ACTMAP: variants seen among roughly 807,000 people sequenced by gnomAD.
The protein encoded by ACTMAP is actin maturation protease.
chr19:40,742,843 C>T, the ACTMAP span: 2 of 1,419,000 alleles, frequency 1.4e-6, no homozygotes, highest in African/African-American at 1.4e-5. Flanking sequence ...CTAAGTTCCG[C>T]CCTCTCCCGG....
the ACTMAP span, chr19:40,745,044 T>C: frequency 6.8e-7 from 1 of 1,467,602 alleles, no homozygotes; most frequent in South Asian, 1.2e-5. Context: ...AATCCACTCC[T>C]CTTCTCCAGA....
chr19:40,740,973 A>T, the ACTMAP span: 10 of 398,528 alleles, frequency 2.5e-5, no homozygotes, highest in Non-Finnish European at 4.4e-5. Flanking sequence ...AGGCTGGTTC[A>T]CTCACTTGGC....
At chr19:40,748,647 G>C in the ACTMAP span, among the ~76,000 whole-genome samples, 1 of 152,154 alleles carries the variant, frequency 6.6e-6, no homozygotes, top group Non-Finnish European at 1.5e-5. Flanking sequence ...CCCTTTGCAC[G>C]ACCCGCTCTG....
the ACTMAP span, chr19:40,743,861 G>A: frequency 2.6e-5 from 42 of 1,602,724 alleles, no homozygotes; most frequent in Non-Finnish European, 3.2e-5. Context: ...TGGAGGCCGG[G>A]GAGACCCAGG....
At chr19:40,749,688 GA>G in the ACTMAP span, 5 of 1,534,356 alleles carry the variant, frequency 3.3e-6, no homozygotes, top group Non-Finnish European at 4.4e-6. Flanking sequence ...TGGTAAAGCT[GA>G]AAAGTCCAGG....
chr19:40,749,595 C>T, the ACTMAP span: 12 of 1,550,790 alleles, frequency 7.7e-6, no homozygotes, highest in Middle Eastern at 1.7e-4. Flanking sequence ...GAAGACATGA[C>T]GGGGAGCAGG....
At chr19:40,749,421 A>C in the ACTMAP span, 207 of 1,333,578 alleles carry the variant, frequency 1.6e-4, no homozygotes, top group Non-Finnish European at 1.9e-4. Context: ...CCCCACCCCA[A>C]GAGATCTGTG....
the ACTMAP span, chr19:40,742,779 G>C: frequency 1.2e-5 from 20 of 1,600,224 alleles, no homozygotes; most frequent in South Asian, 4.5e-5. Flanking sequence ...CCCTGGGGGA[G>C]AGGAGAAGGT....
At chr19:40,745,503 G>T in the ACTMAP span, among the ~76,000 whole-genome samples, 17 of 152,234 alleles carry the variant, frequency 1.1e-4, no homozygotes, top group East Asian at 3.1e-3. Flanking sequence ...TCTCAAAGTG[G>T]TATCTCTATC....
At chr19:40,744,578 G>T in the ACTMAP span, 3 of 1,613,698 alleles carry the variant, frequency 1.9e-6, no homozygotes, top group East Asian at 6.7e-5. Flanking sequence ...TCTCTCCCTG[G>T]GCCGTGTAGC....
At chr19:40,744,802 G>A in the ACTMAP span, 15,660 of 1,393,992 alleles carry the variant, frequency 0.011, 124 homozygotes, top group Non-Finnish European at 0.014. Flanking sequence ...CCAGGCCAGC[G>A]AGGGAGACCT....
At chr19:40,743,925 G>A in the ACTMAP span, 3 of 1,614,030 alleles carry the variant, frequency 1.9e-6, no homozygotes, top group South Asian at 1.1e-5. Flanking sequence ...CGCCCAGTGT[G>A]CCTTGTGGCC....
the ACTMAP span, chr19:40,742,653 TC>T: frequency 6.2e-7 from 1 of 1,613,368 alleles, no homozygotes; most frequent in Admixed American, 1.7e-5. Flanking sequence ...CGGGGAGCCC[TC>T]CTCTGGCAGG....
At chr19:40,749,863 C>T in the ACTMAP span, 30,766 of 1,211,852 alleles carry the variant, frequency 0.025, 462 homozygotes, top group Non-Finnish European at 0.028. Flanking sequence ...GATCCTCCAA[C>T]GGAGAACGGT....
chr19:40,741,883 G>A, the ACTMAP span: 1 of 454,896 alleles, frequency 2.2e-6, no homozygotes. Flanking sequence ...ACATGAGGTG[G>A]GGGAGGGGTG....
At chr19:40,749,848 G>C in the ACTMAP span, 50 of 1,321,082 alleles carry the variant, frequency 3.8e-5, no homozygotes, top group African/African-American at 4.9e-4. Context: ...AAGCGGGGAG[G>C]GAAGGATCCT....
chr19:40,740,951 C>A, the ACTMAP span: 19 of 398,640 alleles, frequency 4.8e-5, no homozygotes, highest in African/African-American at 3.9e-4. Context: ...GGGAAAGAGG[C>A]AGGCTCCAAG....
chr19:40,746,261 T>G, the ACTMAP span, among the ~76,000 whole-genome samples: 1 of 151,982 alleles, frequency 6.6e-6, no homozygotes, highest in African/African-American at 2.4e-5. Context: ...CTCTTGTTGC[T>G]CCGGCTGGAG....
At chr19:40,749,538 C>G in the ACTMAP span, 1 of 1,551,244 alleles carries the variant, frequency 6.4e-7, no homozygotes, top group East Asian at 2.4e-5. Flanking sequence ...GGGGACCGGG[C>G]CGGCCTTATC....
Sources: gnomAD v4.1 joint callset for allele counts (sites outside exome capture counted in the v4.1 genomes callset) on GRCh38, gnomAD v4.1.1 for gene constraint, MANE v1.5 for transcripts, NCBI Gene and HGNC (gene_info 2026-07-23, HGNC 2026-07-21) for gene names.